EPHA5: variants seen among roughly 807,000 people sequenced by gnomAD.
The protein encoded by EPHA5 is EPH receptor A5, also known as ephrin type-A receptor 5.
A neutral mutation model predicts 105.0 loss-of-function variants in EPHA5; 60 were observed. The observed-to-expected ratio is 0.57, with a 90% confidence interval of 0.46 to 0.71. EPHA5 has a LOEUF of 0.71. EPHA5 is among the 30% of genes least tolerant of loss of function. EPHA5 has a pLI of 0.00. For synonymous variants in EPHA5, 513 were observed against 449.1 expected, an observed-to-expected ratio of 1.14 and a Z score of -1.80; for missense variants, 1,218 against 1,274.7, an observed-to-expected ratio of 0.96 and a Z score of 0.68.
intron 8 of EPHA5, among the ~76,000 whole-genome samples, chr4:65,388,438 T>G (rs1720352587): frequency 6.6e-6 from 1 of 150,464 alleles, no homozygotes; most frequent in Non-Finnish European, 1.5e-5. Context: ...CCACCAACAG[T>G]GTAAAAGTGT....
At chr4:65,540,581 C>T (rs899809069) in intron 3 of EPHA5, among the ~76,000 whole-genome samples, 3 of 151,368 alleles carry the variant, frequency 2.0e-5, no homozygotes, top group African/African-American at 2.4e-5. Context: ...ATTCTCAAAG[C>T]ATTTCGAAAG....
chr4:65,476,127 A>AGAGAGAGAGTGT (rs1425495059), intron 5 of EPHA5, among the ~76,000 whole-genome samples: 137 of 119,188 alleles, frequency 1.1e-3, no homozygotes, highest in Admixed American at 2.5e-3. Context: ...AGAGAGAGAG[A>AGAGAGAGAGTGT]GTGTGTGTGT....
At chr4:65,647,538 A>T (rs1222792400) in intron 1 of EPHA5, among the ~76,000 whole-genome samples, 1 of 152,034 alleles carries the variant, frequency 6.6e-6, no homozygotes, top group East Asian at 1.9e-4. Flanking sequence ...CAATGAATAC[A>T]TGAGTATTGA....
chr4:65,618,743 A>T (rs1745458666), intron 2 of EPHA5, among the ~76,000 whole-genome samples: 1 of 152,246 alleles, frequency 6.6e-6, no homozygotes, highest in Non-Finnish European at 1.5e-5. Context: ...AATTGTATTT[A>T]TAATTCTGTT....
chr4:65,633,419 G>C (rs1364580001), intron 2 of EPHA5, among the ~76,000 whole-genome samples: 1 of 151,820 alleles, frequency 6.6e-6, no homozygotes. Context: ...AAAAATACCT[G>C]GTGATTTGTC....
chr4:65,660,307 A>C (rs1749447902), intron 1 of EPHA5, among the ~76,000 whole-genome samples: 1 of 152,122 alleles, frequency 6.6e-6, no homozygotes, highest in Admixed American at 6.6e-5. Context: ...ATATTAAATA[A>C]TGGGGAAAAC....
chr4:65,629,741 G>A (rs1239485319), intron 2 of EPHA5, among the ~76,000 whole-genome samples: 1 of 152,004 alleles, frequency 6.6e-6, no homozygotes, highest in Non-Finnish European at 1.5e-5. Context: ...TGTAGTGATG[G>A]CTGCCAACAT....
intron 5 of EPHA5, among the ~76,000 whole-genome samples, chr4:65,470,189 C>G (rs544570410): frequency 6.8e-6 from 1 of 147,012 alleles, no homozygotes; most frequent in African/African-American, 2.6e-5. Flanking sequence ...CTTTTTCTTT[C>G]TTTGTTTTTT....
At position 65,652,608 on chromosome 4, in the gene EPHA5, C is replaced by T. The variant is rs188313514; in HGVS notation, c.182-9181G>A. Among the ~76,000 whole-genome samples, 147 of 152,204 alleles carry T rather than the reference C, an allele frequency of 9.7e-4. 1 individual carries two copies. Among genetic ancestry groups the T allele is most frequent in the Admixed American group, 4.1e-3 (63 of 15,282 alleles). On this transcript the variant is annotated intron_variant, in intron 1 of 16. Coordinates refer to ENST00000613740, the MANE Select transcript of EPHA5 (RefSeq NM_001281766.3). ...TGTATCTATATCATACTCGCCCCAA[C>T]GTTTGACTGGTGAAATACAAAGGTT...
At chr4:65,557,789 T>C (rs776327957) in intron 3 of EPHA5, among the ~76,000 whole-genome samples, 3 of 152,050 alleles carry the variant, frequency 2.0e-5, no homozygotes, top group Non-Finnish European at 2.9e-5. Flanking sequence ...GCTAGTGTAA[T>C]GTGAGTTCAA....
Position 65,574,601 on chromosome 4 carries a change from T to TATATATATACATATATATATATACAC in EPHA5, c.910+27039_910+27040insGTGTATATATATATATGTATATATAT, listed in dbSNP as rs1491430361. On this transcript the variant is annotated intron_variant, in intron 3 of 16. Transcript: ENST00000613740. ...ATATGTCTCTCTCTATATATTGCTG[T>TATATATATACATATATATATATACAC]ATATATATATACATATATATATATA... Among the ~76,000 whole-genome samples the TATATATATACATATATATATATACAC allele has an allele frequency of 1.5e-3, 132 of 87,776 alleles. 2 individuals are homozygous for TATATATATACATATATATATATACAC. Among genetic ancestry groups the TATATATATACATATATATATATACAC allele is most frequent in the Middle Eastern group, 6.7e-3 (1 of 150 alleles). The allele number at this position is 87,776 out of a possible 152,430, so 57.6% of individuals were successfully genotyped here. A position where few individuals can be genotyped will look rare whatever the true frequency, so the allele number is the denominator to read the frequency against.
chr4:65,521,743 A>G (rs940964049), intron 3 of EPHA5, among the ~76,000 whole-genome samples: 1 of 152,048 alleles, frequency 6.6e-6, no homozygotes, highest in African/African-American at 2.4e-5. Context: ...TTGCTGAAAT[A>G]TGCCCAATAA....
At chr4:65,562,942 A>G (rs115198838) in intron 3 of EPHA5, among the ~76,000 whole-genome samples, 1,591 of 152,008 alleles carry the variant, frequency 0.01, 25 homozygotes, top group African/African-American at 0.036. Flanking sequence ...ACGCCACTGT[A>G]CTCCAGACTG....
chr4:65,650,387 CAT>C (rs1433849995), intron 1 of EPHA5, among the ~76,000 whole-genome samples: 2 of 38,150 alleles, frequency 5.2e-5, no homozygotes, highest in Non-Finnish European at 1.1e-4. Flanking sequence ...GTGTACTAAA[CAT>C]ACAAAAAAAA....
At position 65,462,962 on chromosome 4, in the gene EPHA5, T is replaced by A. The variant is rs1578171290; in HGVS notation, c.1402+27415A>T. Among the ~76,000 whole-genome samples, 4 of 152,280 alleles carry A rather than the reference T, an allele frequency of 2.6e-5. 1 individual carries two copies. The highest frequency in any genetic ancestry group is 2.6e-4 in the Admixed American group (4 of 15,298). On this transcript the variant is annotated intron_variant, in intron 5 of 16. Transcript: ENST00000613740. ...GAATGACATAAACTCTTTACTTAGG[T>A]CTCTAAAGAAATTTATGATTAACAA...
intron 6 of EPHA5, among the ~76,000 whole-genome samples, chr4:65,419,714 A>G (rs1401282153): frequency 1.3e-5 from 2 of 152,136 alleles, no homozygotes; most frequent in Non-Finnish European, 2.9e-5. Context: ...TACATCTCTG[A>G]GCCACATACT....
chr4:65,636,762 A>G (rs1273108896), intron 2 of EPHA5, among the ~76,000 whole-genome samples: 1 of 152,022 alleles, frequency 6.6e-6, no homozygotes, highest in Non-Finnish European at 1.5e-5. Flanking sequence ...TTGCACATCT[A>G]TAAAAAGAAA....
intron 8 of EPHA5, among the ~76,000 whole-genome samples, chr4:65,373,207 T>C (rs948010479): frequency 6.6e-6 from 1 of 151,892 alleles, no homozygotes; most frequent in Non-Finnish European, 1.5e-5. Flanking sequence ...TTTTTAAAAA[T>C]AGATAGTTTG....
Position 65,576,134 on chromosome 4 carries a change from A to AG in EPHA5, c.910+25506dup, listed in dbSNP as rs755035413. Among the ~76,000 whole-genome samples the AG allele has an allele frequency of 3.7e-3, 550 of 148,188 alleles. 2 individuals are homozygous for AG. The highest frequency in any genetic ancestry group is 6.0e-3 in the Admixed American group (89 of 14,742). ...AAAAGAAAAAAGAAAAGAAAAGAAA[A>AG]GAAAGAAAGAAAAAGAAAGAGAGAG... On this transcript the variant is annotated intron_variant, in intron 3 of 16. Transcript: ENST00000613740.
Sources: allele counts gnomAD v4.1 joint callset (sites outside exome capture counted in the v4.1 genomes callset), GRCh38; gene constraint gnomAD v4.1.1; transcripts MANE v1.5; gene names NCBI Gene and HGNC (gene_info 2026-07-23, HGNC 2026-07-21).